Variants in VWF observed in about 807,000 individuals in gnomAD.
VWF encodes the protein Factor VIII related antigen.
In VWF, 176 loss-of-function variants were observed where a neutral mutation model predicts 308.6. That is an observed-to-expected ratio of 0.57 (90% CI 0.50 to 0.65). VWF has a LOEUF of 0.65. Ranked by LOEUF, VWF falls within the 30% of genes least tolerant of loss-of-function variation. The pLI is 0.00. For missense variants in VWF, 3,146 were observed against 3,648.2 expected (o/e 0.86, Z 3.55); for synonymous variants, 1,385 against 1,443.4 (o/e 0.96, Z 0.92).
intron 6 of VWF, chr12:6,095,143 C>A (rs920420454): frequency 1.9e-5 from 7 of 373,666 alleles, no homozygotes; most frequent in Non-Finnish European, 3.6e-5. Context: ...AATGCTGGTA[C>A]CTTGATTTTG....
chr12:6,094,474 A>G (rs890065152), intron 6 of VWF, among the ~76,000 whole-genome samples: 3 of 152,204 alleles, frequency 2.0e-5, no homozygotes, highest in Admixed American at 2.0e-4. Context: ...GCAGGTGATG[A>G]TGGAGATATT....
chr12:6,037,238 G>C (rs888740020), intron 18 of VWF, among the ~76,000 whole-genome samples: 6 of 152,134 alleles, frequency 3.9e-5, no homozygotes, highest in African/African-American at 1.4e-4. Flanking sequence ...TTTTTTCCAA[G>C]TGTTCTTCAA....
At chr12:5,986,770 G>A (rs1379721604) in intron 38 of VWF, among the ~76,000 whole-genome samples, 1 of 152,192 alleles carries the variant, frequency 6.6e-6, no homozygotes, top group African/African-American at 2.4e-5. Context: ...CCTCACTGCA[G>A]TCCTACGGTG....
chr12:6,036,321 G>A, intron 19 of VWF, 67 bp downstream of exon 19: 2 of 1,451,106 alleles, frequency 1.4e-6, no homozygotes, highest in Middle Eastern at 2.1e-4. Context: ...AAGGTCCTGT[G>A]GCCGCGTGCA....
At chr12:6,004,255 A>C (rs1445774055) in intron 34 of VWF, among the ~76,000 whole-genome samples, 1 of 152,202 alleles carries the variant, frequency 6.6e-6, no homozygotes, top group Admixed American at 6.5e-5. Context: ...AGCATAGCCA[A>C]GTGGGATCAA....
At position 6,057,906 on chromosome 12, in the gene VWF, C is replaced by G; in HGVS notation, c.1672G>C (p.Asp558His). 6.2e-7 allele frequency: 1 copy of G among 1,613,060 alleles called. No homozygotes were observed. The highest frequency in any genetic ancestry group is 8.5e-7 in the Non-Finnish European group (1 of 1,179,586). Reference sequence around the variant, plus strand: ...TGCTGCTTCTGCAGGTCCTGGCAGTCCCCGTGCAGCTTCCAGGCGTTCCCG... The same window carrying G: ...TGCTGCTTCTGCAGGTCCTGGCAGTGCCCGTGCAGCTTCCAGGCGTTCCCG... ...DFGNAWKLHG[D>H]CQDLQKQHSD... The change falls in exon 14 of 52, where the codon GAC becomes CAC. Residue 558 changes from aspartate (D) to histidine (H), a missense_variant. This residue lies in a region of VWF where 1,304 missense variants were observed against 1,353.0 expected (regional missense o/e 0.96). Transcript: ENST00000261405.
chr12:5,998,459 C>G, intron 34 of VWF, among the ~76,000 whole-genome samples: 1 of 88,716 alleles, frequency 1.1e-5, no homozygotes, highest in Admixed American at 1.7e-4. Flanking sequence ...GATTCCGAGA[C>G]TCCGTCAAAA....
At chr12:6,009,721 T>A (rs2363325) in intron 34 of VWF, among the ~76,000 whole-genome samples, 8 of 152,126 alleles carry the variant, frequency 5.3e-5, no homozygotes, top group Non-Finnish European at 1.2e-4. Context: ...GAGTTAGAAA[T>A]AATCCAAATG....
chr12:6,000,037 A>C (rs1943853219), intron 34 of VWF, among the ~76,000 whole-genome samples: 2 of 152,188 alleles, frequency 1.3e-5, no homozygotes, highest in Non-Finnish European at 2.9e-5. Context: ...ACAGTAATGA[A>C]AATGTAAGAC....
In VWF at chr12:6,052,834, G is replaced by A. The variant is rs762378737; in HGVS notation, c.1946-51C>T. 4 of 1,587,720 alleles carry A rather than the reference G, an allele frequency of 2.5e-6. No homozygotes were observed. The Admixed American group carries it at 7.2e-5, about 29-fold the overall frequency. On this transcript the variant is annotated intron_variant, in intron 15 of 51. Transcript: ENST00000261405. The stretch of plus-strand genomic sequence containing the variant: ...CTCAGCGGGAATGTTGGACAGCAAG[G>A]ACTGTGGTTCTAGGACTTGCCACCC...
At position 6,110,504 on chromosome 12, in the gene VWF, A is replaced by G. The variant is rs1257738113; in HGVS notation, c.402T>C (p.Tyr134=). ...TGCCATCGATCCTGGCCACAAAGCC[A>G]TAGGCCTCACCGGACAGCTTGTAGT... ...AGYYKLSGEA[Y]GFVARIDGSG... Residue 134 remains tyrosine (Y), a synonymous_variant, in exon 5 of 52, where the codon TAT becomes TAC. Coordinates refer to ENST00000261405, the MANE Select transcript of VWF (RefSeq NM_000552.5). 26 of 1,614,224 alleles carry G rather than the reference A, an allele frequency of 1.6e-5. No homozygotes were observed. The highest frequency in any genetic ancestry group is 2.1e-5 in the Non-Finnish European group (25 of 1,180,044).
At chr12:6,026,286 C>A (rs1471344788) in intron 22 of VWF, among the ~76,000 whole-genome samples, 2 of 152,144 alleles carry the variant, frequency 1.3e-5, no homozygotes, top group African/African-American at 4.8e-5. Context: ...AACAGAGAGG[C>A]AACATGCCCA....
intron 5 of VWF, among the ~76,000 whole-genome samples, chr12:6,109,128 A>G (rs927035007): frequency 5.9e-5 from 9 of 152,080 alleles, no homozygotes; most frequent in Admixed American, 3.3e-4. Flanking sequence ...ACACACCTAT[A>G]ATTCCACTAG....
chr12:5,995,449 T>G (rs2136387022), intron 35 of VWF, among the ~76,000 whole-genome samples: 1 of 152,324 alleles, frequency 6.6e-6, no homozygotes, highest in South Asian at 2.1e-4. Flanking sequence ...GCTTACAAGT[T>G]GTTTTCACAC....
chr12:5,967,992 A>T, intron 46 of VWF, 135 bp downstream of exon 46: 1 of 1,246,608 alleles, frequency 8.0e-7, no homozygotes, highest in Non-Finnish European at 1.1e-6. Context: ...CACGTCCCAC[A>T]GGCAGTGGAA....
chr12:6,115,550 T>C (rs1443936890), intron 3 of VWF, among the ~76,000 whole-genome samples: 1 of 152,212 alleles, frequency 6.6e-6, no homozygotes, highest in Non-Finnish European at 1.5e-5. Context: ...TCTGATGTTT[T>C]CTAACCTTTT....
At chr12:6,062,878 C>T in intron 13 of VWF, 76 bp downstream of exon 13, 4 of 1,237,026 alleles carry the variant, frequency 3.2e-6, no homozygotes, top group Non-Finnish European at 4.6e-6. Flanking sequence ...CCACACAAAG[C>T]CATTCTACCC....
Position 6,095,717 on chromosome 12 carries a change from T to C in VWF, c.533-133A>G. 8 of 1,336,678 alleles carry C rather than the reference T, an allele frequency of 6.0e-6. No individual in the cohort carries two copies. In the South Asian group the frequency reaches 9.7e-5, roughly 16 times the overall value. 82.8% of individuals were successfully genotyped at this position (1,336,678 alleles called of 1,614,324 possible). A position where few individuals can be genotyped will look rare whatever the true frequency, so the allele number is the denominator to read the frequency against. On this transcript the variant is annotated intron_variant, in intron 5 of 51. Coordinates refer to ENST00000261405, the MANE Select transcript of VWF (RefSeq NM_000552.5). ...TTTATAAAGAGACAGGGTCTGGCTA[T>C]GTTTCCCAGGCTGGAGTGCAGCGGC...
Position 5,953,049 on chromosome 12 carries a change from A to T in VWF, c.7986+447T>A, listed in dbSNP as rs138878411. Among the ~76,000 whole-genome samples the T allele has an allele frequency of 7.1e-3, 1,076 of 152,292 alleles. 5 individuals are homozygous for T. Among genetic ancestry groups the T allele is most frequent in the Non-Finnish European group, 0.011 (781 of 68,028 alleles). ...CGAGACCATCCTGGCCAACATGATG[A>T]AATCCCATCTCTACTAAAACTACAA... On this transcript the variant is annotated intron_variant, in intron 48 of 51. Coordinates refer to ENST00000261405, the MANE Select transcript of VWF (RefSeq NM_000552.5).
Sources: gnomAD v4.1 joint callset for allele counts (sites outside exome capture counted in the v4.1 genomes callset) on GRCh38, gnomAD v4.1.1 for gene constraint, gnomAD v4.1.1 regional missense constraint, MANE v1.5 for transcripts, NCBI Gene and HGNC (gene_info 2026-07-23, HGNC 2026-07-21) for gene names.